The following SLC1A1 variants were observed in gnomAD, a reference collection of about 807,000 sequenced individuals.
The protein encoded by SLC1A1 is excitatory amino acid transporter 3.
Under a neutral mutation model 53.3 loss-of-function variants are expected in SLC1A1, and 43 were observed. That is an observed-to-expected ratio of 0.81 (90% CI 0.63 to 1.04). The LOEUF (loss-of-function observed/expected upper bound fraction) is 1.04, where lower values mean the gene tolerates loss of function less well. SLC1A1 is among the 50% of genes least tolerant of loss of function. The pLI, the probability that SLC1A1 is intolerant of heterozygous loss-of-function variation, is 0.00. For synonymous variants in SLC1A1, 307 were observed against 243.2 expected, an observed-to-expected ratio of 1.26 and a Z score of -2.44; for missense variants, 748 against 664.9, an observed-to-expected ratio of 1.12 and a Z score of -1.37.
At chr9:4,535,507 T>A (rs1816641900) in intron 1 of SLC1A1, among the ~76,000 whole-genome samples, 1 of 152,148 alleles carries the variant, frequency 6.6e-6, no homozygotes, top group African/African-American at 2.4e-5. Flanking sequence ...ATAAGGGATG[T>A]GAAGGACCTC....
chr9:4,552,691 C>T (rs751868688), intron 2 of SLC1A1, among the ~76,000 whole-genome samples: 52 of 152,024 alleles, frequency 3.4e-4, no homozygotes, highest in Admixed American at 5.2e-4. Context: ...AGGAGCCACA[C>T]TGCCTGGGTT....
intron 1 of SLC1A1, among the ~76,000 whole-genome samples, chr9:4,528,150 CAG>C (rs1564009336): frequency 1.3e-5 from 2 of 151,972 alleles, no homozygotes; most frequent in Admixed American, 6.6e-5. Context: ...GCTAATTGAT[CAG>C]AGTCTCCCCA....
chr9:4,586,808 G>C lies in SLC1A1; in HGVS notation c.*1250G>C, dbSNP rs3087879. ...AATCCCACGACATAAGCTGGTATCA[G>C]TGGTTCGGGGGAAATAGTTCCATTC... is the stretch of plus-strand genomic sequence containing the variant. On this transcript the variant is annotated 3_prime_UTR_variant, in exon 12 of 12. Transcript: ENST00000262352. The C allele has an allele frequency of 0.28, 43,176 of 152,088 alleles. 6,542 individuals carry two copies. Among genetic ancestry groups the C allele is most frequent in the Middle Eastern group, 0.43 (126 of 292 alleles). 9.4% of individuals were successfully genotyped at this position (152,088 alleles called of 1,614,324 possible).
At chr9:4,579,039 T>C (rs116274600) in intron 10 of SLC1A1, among the ~76,000 whole-genome samples, 2 of 152,226 alleles carry the variant, frequency 1.3e-5, no homozygotes, top group African/African-American at 4.8e-5. Context: ...TCTAATACAA[T>C]GCATTTTTTA....
intron 1 of SLC1A1, among the ~76,000 whole-genome samples, chr9:4,503,714 G>A (rs976831392): frequency 1.1e-4 from 17 of 151,818 alleles, no homozygotes; most frequent in African/African-American, 2.4e-5. Context: ...CTGTGCTTTC[G>A]CACTTTTTCT....
intron 1 of SLC1A1, among the ~76,000 whole-genome samples, chr9:4,513,936 C>T (rs1234999231): frequency 6.6e-6 from 1 of 152,178 alleles, no homozygotes; most frequent in African/African-American, 2.4e-5. Context: ...AAAAACCAGT[C>T]TCACAACTTA....
At chr9:4,523,866 G>T (rs1298680461) in intron 1 of SLC1A1, among the ~76,000 whole-genome samples, 1 of 152,174 alleles carries the variant, frequency 6.6e-6, no homozygotes, top group Non-Finnish European at 1.5e-5. Flanking sequence ...ACAGGCTACA[G>T]GGTATTTTGT....
At chr9:4,518,592 G>C (rs1815949337) in intron 1 of SLC1A1, among the ~76,000 whole-genome samples, 1 of 152,150 alleles carries the variant, frequency 6.6e-6, no homozygotes, top group Non-Finnish European at 1.5e-5. Flanking sequence ...CATTTGCTTA[G>C]AATCTGTGGT....
intron 1 of SLC1A1, among the ~76,000 whole-genome samples, chr9:4,496,776 G>A (rs10758623): frequency 0.42 from 63,555 of 151,824 alleles, 14,891 homozygotes; most frequent in African/African-American, 0.65. Context: ...GCGTGCCTGT[G>A]GCCCCAACTA....
At chr9:4,538,443 A>C (rs373832980) in intron 1 of SLC1A1, among the ~76,000 whole-genome samples, 1 of 152,200 alleles carries the variant, frequency 6.6e-6, no homozygotes, top group Non-Finnish European at 1.5e-5. Context: ...AATGGGAGGA[A>C]GATTTGCCCT....
chr9:4,537,033 G>T (rs568178694), intron 1 of SLC1A1, among the ~76,000 whole-genome samples: 2 of 151,888 alleles, frequency 1.3e-5, no homozygotes, highest in South Asian at 4.2e-4. Context: ...TCACACACCA[G>T]GGCCTGTTGT....
chr9:4,565,347 A>C (rs1441136796), intron 4 of SLC1A1, among the ~76,000 whole-genome samples: 1 of 152,210 alleles, frequency 6.6e-6, no homozygotes, highest in Non-Finnish European at 1.5e-5. Flanking sequence ...TAAGTGTATT[A>C]GTCCATTTTC....
chr9:4,567,565 G>C lies in SLC1A1; in HGVS notation c.484-104G>C. On this transcript the variant is annotated intron_variant, in intron 5 of 11. Transcript: ENST00000262352. ...GAGGCATTGGATGTAGATCCCTTCAGTGGCACTGTTTGGCCAAAATAACAT... is the reference window on the plus strand; with the variant it reads ...GAGGCATTGGATGTAGATCCCTTCACTGGCACTGTTTGGCCAAAATAACAT... The C allele has an allele frequency of 4.1e-6, 3 of 735,788 alleles. No homozygotes were observed. The South Asian group carries it at 4.5e-5, about 11-fold the overall frequency. 45.6% of individuals were successfully genotyped at this position (735,788 alleles called of 1,614,324 possible). A position where few individuals can be genotyped will look rare whatever the true frequency, so the allele number is the denominator to read the frequency against.
chr9:4,580,599 A>ATGTGTG (rs770759737), intron 10 of SLC1A1, among the ~76,000 whole-genome samples: 264 of 50,994 alleles, frequency 5.2e-3, no homozygotes, highest in Non-Finnish European at 7.3e-3. Flanking sequence ...AAAAAAATAT[A>ATGTGTG]TATGTGTGTG....
chr9:4,527,216 G>A lies in SLC1A1; in HGVS notation c.92-17351G>A, dbSNP rs537501904. Among the ~76,000 whole-genome samples the A allele has an allele frequency of 3.5e-4, 54 of 152,286 alleles. No homozygotes were observed. The South Asian group carries it at 5.8e-3, about 16-fold the overall frequency. On this transcript the variant is annotated intron_variant, in intron 1 of 11. Transcript: ENST00000262352. ...TGAGAACAGCATCATGAGCCTGGAA[G>A]AGAACCCTAAGCTCCAGGAAGGAAT...
chr9:4,515,950 G>C (rs1027315434), intron 1 of SLC1A1, among the ~76,000 whole-genome samples: 1 of 152,160 alleles, frequency 6.6e-6, no homozygotes, highest in East Asian at 1.9e-4. Flanking sequence ...TGGAGTAAAA[G>C]AGTCTTTGAA....
At chr9:4,494,415 AAATT>A (rs1393644056) in intron 1 of SLC1A1, among the ~76,000 whole-genome samples, 2 of 152,088 alleles carry the variant, frequency 1.3e-5, no homozygotes, top group Non-Finnish European at 2.9e-5. Flanking sequence ...GATTATGAGA[AAATT>A]AATATTTTCT....
intron 1 of SLC1A1, among the ~76,000 whole-genome samples, chr9:4,520,489 A>G (rs1401300819): frequency 5.3e-5 from 8 of 152,204 alleles, no homozygotes; most frequent in Non-Finnish European, 7.3e-5. Flanking sequence ...TGGACATTTC[A>G]TATAAATGGA....
chr9:4,552,325 G>T (rs1375917506), intron 2 of SLC1A1, among the ~76,000 whole-genome samples: 3 of 152,200 alleles, frequency 2.0e-5, no homozygotes, highest in African/African-American at 7.2e-5. Flanking sequence ...TGAGGTCAGT[G>T]CAGGGGACAT....
Sources: allele counts gnomAD v4.1 joint callset (sites outside exome capture counted in the v4.1 genomes callset), GRCh38; gene constraint gnomAD v4.1.1; transcripts MANE v1.5; gene names NCBI Gene and HGNC (gene_info 2026-07-23, HGNC 2026-07-21).